MN1: variants seen among roughly 807,000 people sequenced by gnomAD.
MN1 encodes MN1 proto-oncogene, transcriptional regulator, also known as transcriptional activator MN1.
Under a neutral mutation model 86.9 loss-of-function variants are expected in MN1, and 19 were observed. The observed-to-expected ratio is 0.22, with a 90% CI of 0.15 to 0.32. The LOEUF (loss-of-function observed/expected upper bound fraction) is 0.32, where lower values mean the gene tolerates loss of function less well. Among genes scored for constraint, MN1 ranks in the 10% least tolerant of loss-of-function variants. The pLI is 1.00. For synonymous variants in MN1, 928 were observed against 849.6 expected, an observed-to-expected ratio of 1.09 and a Z score of -1.60; for missense variants, 1,841 against 1,862.0, an observed-to-expected ratio of 0.99 and a Z score of 0.21.
Position 27,748,635 on chromosome 22 carries a change from C to T in MN1, c.*2280G>A. On this transcript the variant is annotated 3_prime_UTR_variant, in exon 2 of 2. Transcript: ENST00000302326. ...GGTGTGTTTTTCATTTACTTTTATT[C>T]TTTCCATTAAACCAAATTTAATGAA... 1 of 210,706 alleles carries T rather than the reference C, an allele frequency of 4.7e-6. No homozygotes were observed. The highest frequency in any genetic ancestry group is 7.2e-5 in the East Asian group (1 of 13,894). 13.1% of individuals were successfully genotyped at this position (210,706 alleles called of 1,614,324 possible).
chr22:27,797,620 C>G lies in MN1; in HGVS notation c.2924G>C (p.Ser975Thr). ...APDSGGAPGVSPGQQQASGAA... is the reference protein window; with the variant it reads ...APDSGGAPGVTPGQQQASGAA... The stretch of plus-strand genomic sequence containing the variant: ...GCCTGACGCTTGCTGCTGCCCTGGG[C>G]TCACCCCAGGTGCGCCCCCGCTGTC... The change falls in exon 1 of 2, where the codon AGC (serine) becomes ACC (threonine). Residue 975 changes from serine to threonine, a missense_variant. Physicochemically the swap from Ser to Thr is moderately conservative, Grantham distance 58. Coordinates refer to ENST00000302326, the MANE Select transcript of MN1 (RefSeq NM_002430.3). 6.3e-7 allele frequency: 1 copy of G among 1,594,404 alleles called. No individual in the cohort carries two copies. Among genetic ancestry groups the G allele is most frequent in the Non-Finnish European group, 8.5e-7 (1 of 1,170,284 alleles).
chr22:27,783,964 C>G (rs964696687), intron 1 of MN1, among the ~76,000 whole-genome samples: 9 of 152,212 alleles, frequency 5.9e-5, no homozygotes, highest in African/African-American at 2.2e-4. Flanking sequence ...ATGATGCCGC[C>G]GCAGGCTCCT....
At position 27,799,193 on chromosome 22, in the gene MN1, T is replaced by G; in HGVS notation, c.1351A>C (p.Met451Leu). 2 of 1,605,732 alleles carry G rather than the reference T, an allele frequency of 1.2e-6. No homozygotes were observed. Among genetic ancestry groups the G allele is most frequent in the Non-Finnish European group, 1.7e-6 (2 of 1,174,478 alleles). The change falls in exon 1 of 2, where the codon ATG (methionine) becomes CTG (leucine). Residue 451 changes from methionine to leucine, a missense_variant. Physicochemically the swap from Met to Leu is conservative, Grantham distance 15 (BLOSUM62 2). Coordinates refer to ENST00000302326, the MANE Select transcript of MN1 (RefSeq NM_002430.3). Reference sequence around the variant, plus strand: ...AAGCGCGGCCTCTTGGCCACGTTCATGTAGGGGGGCGCGTCGAAATGCTGC... The same window carrying G: ...AAGCGCGGCCTCTTGGCCACGTTCAGGTAGGGGGGCGCGTCGAAATGCTGC... ...RLQHFDAPPY[M>L]NVAKRPRFDF...
chr22:27,785,388 G>A (rs1933114544), intron 1 of MN1, among the ~76,000 whole-genome samples: 1 of 152,184 alleles, frequency 6.6e-6, no homozygotes, highest in African/African-American at 2.4e-5. Flanking sequence ...GTCCGGCCAC[G>A]TCGCACCAAA....
chr22:27,795,974 C>T (rs538048399), intron 1 of MN1, among the ~76,000 whole-genome samples: 2 of 152,228 alleles, frequency 1.3e-5, no homozygotes, highest in East Asian at 3.9e-4. Context: ...GAGATATTGA[C>T]AAACACGGAT....
At chr22:27,756,385 G>A (rs45616935) in intron 1 of MN1, among the ~76,000 whole-genome samples, 2,222 of 152,174 alleles carry the variant, frequency 0.015, 58 homozygotes, top group African/African-American at 0.051. Context: ...TGAGCCGGGC[G>A]GAGGTGGCTG....
chr22:27,798,963 C>CTGT lies in MN1; in HGVS notation c.1580_1581insACA (p.Gln550dup), dbSNP rs1568985277. ...GCTGCTGTTGCTGCTGCTGCTGCTG[C>CTGT]TGCTGCTGCTGTTGCAGGGACTGGT... On this transcript the variant is annotated inframe_insertion, in exon 1 of 2. Transcript: ENST00000302326. The CTGT allele has an allele frequency of 4.4e-6, 7 of 1,597,974 alleles. No individual in the cohort carries two copies.
chr22:27,791,657 C>T (rs1025151762), intron 1 of MN1: 3 of 152,086 alleles, frequency 2.0e-5, no homozygotes, highest in African/African-American at 7.2e-5. Flanking sequence ...TGCTCCCACA[C>T]ACTCCCCAGA....
chr22:27,758,296 T>C (rs1358316445), intron 1 of MN1, among the ~76,000 whole-genome samples: 1 of 152,160 alleles, frequency 6.6e-6, no homozygotes, highest in East Asian at 1.9e-4. Flanking sequence ...TGCGGTTTTT[T>C]CTGCCTAGAG....
In MN1 at chr22:27,792,817, C is replaced by A. The variant is rs145702238; in HGVS notation, c.3781+3946G>T. Reference sequence around the variant, plus strand: ...GATTGCAAAGCTCTTTGCCTTCCCCCAAACAAGTTCAAATGAGCCTTAAAA... The same window carrying A: ...GATTGCAAAGCTCTTTGCCTTCCCCAAAACAAGTTCAAATGAGCCTTAAAA... On this transcript the variant is annotated intron_variant, in intron 1 of 1. Transcript: ENST00000302326. 2.3e-3 allele frequency among the ~76,000 whole-genome samples: 344 copies of A among 152,204 alleles called. 1 individual carries two copies. Among genetic ancestry groups the A allele is most frequent in the South Asian group, 0.011 (53 of 4,816 alleles).
intron 1 of MN1, among the ~76,000 whole-genome samples, chr22:27,773,773 C>T (rs1001283291): frequency 3.3e-5 from 5 of 152,186 alleles, no homozygotes; most frequent in Non-Finnish European, 5.9e-5. Context: ...TCTCCTGCCT[C>T]AGCCTCCCGA....
intron 1 of MN1, among the ~76,000 whole-genome samples, chr22:27,773,616 T>G (rs962101003): frequency 6.6e-6 from 1 of 152,206 alleles, no homozygotes; most frequent in African/African-American, 2.4e-5. Flanking sequence ...GAGAGGATGC[T>G]AGGACCCAAA....
At chr22:27,755,305 T>C (rs1231437727) in intron 1 of MN1, among the ~76,000 whole-genome samples, 2 of 152,152 alleles carry the variant, frequency 1.3e-5, no homozygotes, top group African/African-American at 4.8e-5. Context: ...GGCAATACCA[T>C]GTGCATGTTG....
chr22:27,791,743 T>C (rs1347502916), intron 1 of MN1: 4 of 152,188 alleles, frequency 2.6e-5, no homozygotes, highest in African/African-American at 7.2e-5. Context: ...ACAGTATTCC[T>C]TACCAAGAGT....
At chr22:27,781,356 T>C (rs1454255790) in intron 1 of MN1, among the ~76,000 whole-genome samples, 1 of 152,196 alleles carries the variant, frequency 6.6e-6, no homozygotes, top group Non-Finnish European at 1.5e-5. Context: ...TGTAGGACAT[T>C]GAACAGCATC....
chr22:27,783,090 G>A (rs898281935), intron 1 of MN1, among the ~76,000 whole-genome samples: 4 of 151,568 alleles, frequency 2.6e-5, no homozygotes, highest in African/African-American at 9.7e-5. Flanking sequence ...GGGAACAAGG[G>A]TTGCCATCAC....
rs749067936 is a variant in MN1, at chr22:27,798,174, A to G, written c.2370T>C (p.Asp790=). The change falls in exon 1 of 2, where the codon GAT becomes GAC. Residue 790 remains aspartate (D), a synonymous_variant. Transcript: ENST00000302326. ...GGGGAYPPQP[D]FQPSQRTSAS... ...CCGAGGTGCGCTGGCTGGGCTGGAA[A>G]TCAGGCTGCGGCGGGTAGGCACCCC... 1 of 1,576,720 alleles carries G rather than the reference A, an allele frequency of 6.3e-7. No individual in the cohort carries two copies. The highest frequency in any genetic ancestry group is 8.6e-7 in the Non-Finnish European group (1 of 1,167,670).
In MN1 at chr22:27,749,741, TCTGCAGATCC is replaced by T. The variant is rs1235603043; in HGVS notation, c.*1164_*1173del. 1 of 231,338 alleles carries T rather than the reference TCTGCAGATCC, an allele frequency of 4.3e-6. No individual in the cohort carries two copies. The highest frequency in any genetic ancestry group is 2.2e-5 in the African/African-American group (1 of 45,196). The allele number at this position is 231,338 out of a possible 1,614,324, so 14.3% of individuals were successfully genotyped here. A position where few individuals can be genotyped will look rare whatever the true frequency, so the allele number is the denominator to read the frequency against. On this transcript the variant is annotated 3_prime_UTR_variant, in exon 2 of 2. Transcript: ENST00000302326. ...TTCTCTGTCCTCTAGCCCTCAGGAG[TCTGCAGATCC>T]CTGCAAAGGCTCAGAGAAGGCTGAG...
At chr22:27,761,194 A>C (rs1245505084) in intron 1 of MN1, among the ~76,000 whole-genome samples, 1 of 149,480 alleles carries the variant, frequency 6.7e-6, no homozygotes, top group Non-Finnish European at 1.5e-5. Flanking sequence ...TCCTCCTTTC[A>C]ATCTGTCTCG....
Sources: allele counts gnomAD v4.1 joint callset (sites outside exome capture counted in the v4.1 genomes callset), GRCh38; gene constraint gnomAD v4.1.1; transcripts MANE v1.5; gene names NCBI Gene and HGNC (gene_info 2026-07-23, HGNC 2026-07-21).